PTPRD: variants seen among roughly 807,000 people sequenced by gnomAD.
PTPRD encodes protein tyrosine phosphatase receptor type D, also known as receptor-type tyrosine-protein phosphatase delta.
PTPRD carries 34 observed loss-of-function variants against 214.5 expected under a neutral mutation model. The observed-to-expected ratio is 0.16, with a 90% CI of 0.12 to 0.21. The LOEUF (loss-of-function observed/expected upper bound fraction) is 0.21. Among genes scored for constraint, PTPRD ranks in the 10% least tolerant of loss-of-function variants. The probability of loss-of-function intolerance (pLI) is 1.00; values close to 1 mark genes in which losing one functional copy is unlikely to be tolerated. For missense variants in PTPRD, 2,545 were observed against 2,398.7 expected (o/e 1.06, Z -1.27); for synonymous variants, 1,128 against 845.7 (o/e 1.33, Z -5.79).
At chr9:10,243,821 T>C (rs935134057) in intron 3 of PTPRD, among the ~76,000 whole-genome samples, 1 of 151,948 alleles carries the variant, frequency 6.6e-6, no homozygotes, top group African/African-American at 2.4e-5. Flanking sequence ...ACCTTTATCC[T>C]CCCAAACCTA....
intron 3 of PTPRD, among the ~76,000 whole-genome samples, chr9:10,285,666 G>A (rs1181486638): frequency 1.4e-5 from 2 of 148,110 alleles, no homozygotes; most frequent in African/African-American, 5.0e-5. Context: ...GCTGGAGGGC[G>A]GTGGTGCCAT....
chr9:8,452,140 T>G (rs1469286047), intron 33 of PTPRD, among the ~76,000 whole-genome samples: 1 of 152,226 alleles, frequency 6.6e-6, no homozygotes, highest in African/African-American at 2.4e-5. Context: ...AATAACTAAC[T>G]TCTCTTTCAC....
At chr9:8,897,231 G>A (rs752587994) in intron 11 of PTPRD, among the ~76,000 whole-genome samples, 1 of 152,140 alleles carries the variant, frequency 6.6e-6, no homozygotes, top group Non-Finnish European at 1.5e-5. Flanking sequence ...AGCGTAAGTT[G>A]TAGACACTCA....
intron 10 of PTPRD, among the ~76,000 whole-genome samples, chr9:9,066,770 T>C (rs1310857871): frequency 6.6e-6 from 1 of 152,194 alleles, no homozygotes; most frequent in Non-Finnish European, 1.5e-5. Flanking sequence ...TATCCAAAGC[T>C]GGAAGATAAA....
chr9:8,546,438 C>T (rs1459926256), intron 14 of PTPRD, among the ~76,000 whole-genome samples: 2 of 152,082 alleles, frequency 1.3e-5, no homozygotes, highest in African/African-American at 4.8e-5. Flanking sequence ...TTCTCAAGAA[C>T]TATGGGAGAG....
At chr9:8,713,892 G>A in intron 12 of PTPRD, 2 of 943,330 alleles carry the variant, frequency 2.1e-6, no homozygotes, top group Non-Finnish European at 3.1e-6. Context: ...GAACGCCCCG[G>A]TGGAAAAAAA....
At chr9:8,736,824 T>A (rs1434251) in intron 11 of PTPRD, among the ~76,000 whole-genome samples, 35,392 of 151,626 alleles carry the variant, frequency 0.23, 4,394 homozygotes, top group East Asian at 0.52. Context: ...CCTCTGAAAA[T>A]CAACTTATCA....
intron 4 of PTPRD, among the ~76,000 whole-genome samples, chr9:9,982,591 T>C (rs1335751732): frequency 6.6e-6 from 1 of 151,960 alleles, no homozygotes; most frequent in Non-Finnish European, 1.5e-5. Context: ...GGTAAGTTTC[T>C]TTCTTCCCTC....
chr9:10,333,557 G>C (rs2154435732), intron 3 of PTPRD, among the ~76,000 whole-genome samples: 1 of 151,868 alleles, frequency 6.6e-6, no homozygotes, highest in East Asian at 1.9e-4. Context: ...TCATTTTTGA[G>C]GGGTTTGAGA....
chr9:10,284,391 C>T (rs1055382346), intron 3 of PTPRD, among the ~76,000 whole-genome samples: 15 of 152,194 alleles, frequency 9.9e-5, no homozygotes, highest in South Asian at 4.2e-4. Flanking sequence ...AACCTATAAA[C>T]AAAAACTGAT....
At chr9:9,135,843 C>T (rs112900901) in intron 10 of PTPRD, among the ~76,000 whole-genome samples, 32 of 148,118 alleles carry the variant, frequency 2.2e-4, no homozygotes, top group African/African-American at 6.1e-4. Flanking sequence ...TTGAAAAAAA[C>T]CCCACAGTTT....
chr9:8,404,474 A>G, intron 36 of PTPRD, 63 bp downstream of exon 36: 1 of 1,551,078 alleles, frequency 6.4e-7, no homozygotes, highest in East Asian at 2.3e-5. Flanking sequence ...CTAAAACAAT[A>G]TTCTCATGCA....
chr9:9,545,710 G>T (rs929412115), intron 8 of PTPRD, among the ~76,000 whole-genome samples: 4 of 151,672 alleles, frequency 2.6e-5, no homozygotes, highest in African/African-American at 7.3e-5. Context: ...CTTGATTACT[G>T]TAGGTGTATT....
intron 8 of PTPRD, among the ~76,000 whole-genome samples, chr9:9,443,904 A>C (rs1339830396): frequency 1.3e-5 from 2 of 152,186 alleles, no homozygotes; most frequent in African/African-American, 2.4e-5. Context: ...CAAGACTGAA[A>C]CATGCACTTA....
chr9:8,432,198 C>T (rs976554394), intron 35 of PTPRD, among the ~76,000 whole-genome samples: 1 of 152,198 alleles, frequency 6.6e-6, no homozygotes, highest in Non-Finnish European at 1.5e-5. Context: ...GGACTTTCTT[C>T]CCTGCATTCC....
intron 5 of PTPRD, among the ~76,000 whole-genome samples, chr9:9,803,980 G>A (rs759575719): frequency 7.9e-5 from 12 of 151,968 alleles, no homozygotes; most frequent in Admixed American, 5.9e-4. Flanking sequence ...TCTTACTGGA[G>A]CAATGGAACA....
chr9:9,986,330 A>C (rs1186508383), intron 4 of PTPRD, among the ~76,000 whole-genome samples: 1 of 152,168 alleles, frequency 6.6e-6, no homozygotes, highest in African/African-American at 2.4e-5. Flanking sequence ...TGATGAAGTG[A>C]GATAGACTAA....
In PTPRD at chr9:10,102,874, A is replaced by C. The variant is rs139215786; in HGVS notation, c.-544-69084T>G. Among the ~76,000 whole-genome samples, 1,052 of 151,846 alleles carry C rather than the reference A, an allele frequency of 6.9e-3. 9 individuals are homozygous for C. Among genetic ancestry groups the C allele is most frequent in the African/African-American group, 0.024 (986 of 41,494 alleles). On this transcript the variant is annotated intron_variant, in intron 3 of 45. Transcript: ENST00000381196. The stretch of plus-strand genomic sequence containing the variant: ...CAATGGAAAACTGCTCACAAAATGA[A>C]AGCTATATTTTTCTGATAATTTTCC...
chr9:8,378,312 T>C (rs1199999127), intron 37 of PTPRD, among the ~76,000 whole-genome samples: 2 of 152,080 alleles, frequency 1.3e-5, no homozygotes, highest in Non-Finnish European at 2.9e-5. Context: ...GGCATGGGCA[T>C]CTCTATATGT....
Sources: allele counts gnomAD v4.1 joint callset (sites outside exome capture counted in the v4.1 genomes callset), GRCh38; gene constraint gnomAD v4.1.1; transcripts MANE v1.5; gene names NCBI Gene and HGNC (gene_info 2026-07-23, HGNC 2026-07-21).